Variants in NPAS3 observed in about 807,000 individuals in gnomAD.
The protein encoded by NPAS3 is neuronal PAS domain protein 3.
A neutral mutation model predicts 73.1 loss-of-function variants in NPAS3; 14 were observed. The observed-to-expected ratio is 0.19, with a 90% CI of 0.13 to 0.30. The LOEUF is 0.30. NPAS3 is among the 10% of genes least tolerant of loss of function. The probability of loss-of-function intolerance (pLI) is 1.00; values close to 1 mark genes in which losing one functional copy is unlikely to be tolerated. For synonymous variants in NPAS3, 620 were observed against 541.5 expected, an observed-to-expected ratio of 1.14 and a Z score of -2.01; for missense variants, 1,096 against 1,250.0, an observed-to-expected ratio of 0.88 and a Z score of 1.86.
intron 2 of NPAS3, among the ~76,000 whole-genome samples, chr14:33,084,686 G>A (rs984165222): frequency 5.3e-5 from 8 of 152,098 alleles, no homozygotes; most frequent in African/African-American, 7.2e-5. Context: ...AGAGGAGGTC[G>A]GCAGGAAAGA....
chr14:33,670,263 G>A lies in NPAS3; in HGVS notation c.559-5948G>A, dbSNP rs190838024. Among the ~76,000 whole-genome samples the A allele has an allele frequency of 1.4e-4, 21 of 152,276 alleles. No individual in the cohort carries two copies. The East Asian group carries it at 3.1e-3, about 22-fold the overall frequency. On this transcript the variant is annotated intron_variant, in intron 5 of 11. Coordinates refer to ENST00000356141, the Ensembl canonical transcript of NPAS3. The stretch of plus-strand genomic sequence containing the variant: ...ATATCTGTAAAAAGAGAGCGGATTC[G>A]TGTTCTTATTTGATGACACAGGAAG...
intron 1 of NPAS3, among the ~76,000 whole-genome samples, chr14:33,033,229 A>G (rs1297369723): frequency 6.6e-6 from 1 of 152,188 alleles, no homozygotes; most frequent in Admixed American, 6.5e-5. Context: ...CTGTTATCCC[A>G]GAACTTTGGA....
chr14:33,296,007 C>T (rs889938602), intron 3 of NPAS3, among the ~76,000 whole-genome samples: 1 of 152,086 alleles, frequency 6.6e-6, no homozygotes, highest in East Asian at 1.9e-4. Flanking sequence ...TTAAGCAATA[C>T]AAGACATAAC....
At chr14:33,707,054 G>A (rs1447241421) in intron 6 of NPAS3, among the ~76,000 whole-genome samples, 1 of 152,194 alleles carries the variant, frequency 6.6e-6, no homozygotes, top group African/African-American at 2.4e-5. Context: ...AACAGTGTAA[G>A]CTTGGGGGAG....
chr14:33,519,708 GCTT>G (rs1319939013), intron 4 of NPAS3, among the ~76,000 whole-genome samples: 2 of 152,160 alleles, frequency 1.3e-5, no homozygotes, highest in Admixed American at 6.5e-5. Context: ...GATTAGGATG[GCTT>G]CTTATCACAT....
intron 4 of NPAS3, among the ~76,000 whole-genome samples, chr14:33,532,216 T>A (rs929957598): frequency 2.6e-5 from 4 of 152,126 alleles, no homozygotes; most frequent in African/African-American, 9.7e-5. Flanking sequence ...GTAAATCAAC[T>A]CCATTACTGA....
intron 4 of NPAS3, among the ~76,000 whole-genome samples, chr14:33,371,577 A>C (rs1055077954): frequency 6.6e-6 from 1 of 152,152 alleles, no homozygotes; most frequent in Non-Finnish European, 1.5e-5. Flanking sequence ...ATTAATGGCT[A>C]AATGCCATTC....
chr14:33,086,125 A>G (rs2042018081), intron 2 of NPAS3, among the ~76,000 whole-genome samples: 1 of 152,186 alleles, frequency 6.6e-6, no homozygotes, highest in Non-Finnish European at 1.5e-5. Context: ...ATATGTTAAA[A>G]ATGATGTGTA....
intron 4 of NPAS3, among the ~76,000 whole-genome samples, chr14:33,444,361 C>T (rs1161794282): frequency 1.3e-5 from 2 of 152,206 alleles, no homozygotes; most frequent in Non-Finnish European, 1.5e-5. Flanking sequence ...TGAGCAGTGA[C>T]GGGATGACAT....
At chr14:32,939,261 C>A, upstream of NPAS3, 1 of 690,386 alleles carries the variant, frequency 1.4e-6, no homozygotes, top group South Asian at 1.5e-5. Context: ...CCACGCCCCC[C>A]ACCCGGGAGG....
chr14:33,440,851 G>A (rs573461365), intron 4 of NPAS3, among the ~76,000 whole-genome samples: 121 of 151,102 alleles, frequency 8.0e-4, no homozygotes, highest in African/African-American at 2.7e-3. Context: ...CCAAGACTGC[G>A]CCACTGCACT....
chr14:33,511,667 G>A (rs1230727314), intron 4 of NPAS3, among the ~76,000 whole-genome samples: 3 of 152,026 alleles, frequency 2.0e-5, no homozygotes, highest in Non-Finnish European at 4.4e-5. Flanking sequence ...TCACTGGTAG[G>A]CAGTGAACTC....
chr14:33,606,360 G>A (rs1346262329), intron 5 of NPAS3, among the ~76,000 whole-genome samples: 1 of 151,522 alleles, frequency 6.6e-6, no homozygotes, highest in Non-Finnish European at 1.5e-5. Flanking sequence ...TACTGAGAAT[G>A]ATGATTTCCA....
At chr14:33,231,291 C>A (rs2047841747) in intron 3 of NPAS3, among the ~76,000 whole-genome samples, 1 of 152,100 alleles carries the variant, frequency 6.6e-6, no homozygotes, top group Non-Finnish European at 1.5e-5. Context: ...TTTGCTAAAG[C>A]AATTGATGAC....
At chr14:33,496,877 G>T (rs966868788) in intron 4 of NPAS3, among the ~76,000 whole-genome samples, 2 of 152,100 alleles carry the variant, frequency 1.3e-5, no homozygotes, top group Non-Finnish European at 2.9e-5. Context: ...AAGAAAGAAA[G>T]TTTATTCCAA....
chr14:33,365,542 T>C (rs2140411958), intron 3 of NPAS3, among the ~76,000 whole-genome samples: 1 of 152,352 alleles, frequency 6.6e-6, no homozygotes, highest in South Asian at 2.1e-4. Context: ...GTGTTTTGCT[T>C]CTGAAGCAAA....
intron 7 of NPAS3, among the ~76,000 whole-genome samples, chr14:33,735,638 A>C (rs1357787284): frequency 6.6e-6 from 1 of 152,130 alleles, no homozygotes; most frequent in African/African-American, 2.4e-5. Context: ...AGCCAATTTC[A>C]TATCAGTCCT....
At chr14:33,443,701 T>A (rs1457475217) in intron 4 of NPAS3, among the ~76,000 whole-genome samples, 1 of 152,220 alleles carries the variant, frequency 6.6e-6, no homozygotes, top group African/African-American at 2.4e-5. Context: ...GAGGTCACGC[T>A]GTGACTGAGA....
rs966663747 is a variant in NPAS3 at position 33,295,749 on chromosome 14, G to A, written c.386-71437G>A. 3.3e-5 allele frequency among the ~76,000 whole-genome samples: 5 copies of A among 152,188 alleles called. No individual in the cohort carries two copies. The East Asian group carries it at 7.7e-4, about 24-fold the overall frequency. ...TATAGAGTCCATAAGGAGTTATATC[G>A]GTTCAAACATTTCTCCTAAAAAGAA... On this transcript the variant is annotated intron_variant, in intron 3 of 11. Coordinates refer to ENST00000356141, the Ensembl canonical transcript of NPAS3.
Sources: allele counts gnomAD v4.1 joint callset (sites outside exome capture counted in the v4.1 genomes callset), GRCh38; gene constraint gnomAD v4.1.1; transcripts MANE v1.5; gene names NCBI Gene and HGNC (gene_info 2026-07-23, HGNC 2026-07-21).